Variants in LATS1 observed in about 807,000 individuals in gnomAD.
The protein encoded by LATS1 is serine/threonine-protein kinase LATS1.
LATS1 carries 25 observed loss-of-function variants against 106.6 expected under a neutral mutation model. The observed-to-expected ratio is 0.23, with a 90% CI of 0.17 to 0.33. The LOEUF (loss-of-function observed/expected upper bound fraction) is 0.33, where lower values mean the gene tolerates loss of function less well. Ranked by LOEUF, LATS1 falls within the 10% of genes least tolerant of loss-of-function variation. LATS1 has a pLI of 1.00. For synonymous variants in LATS1, 465 were observed against 455.6 expected (o/e 1.02, Z -0.26); for missense variants, 1,040 against 1,382.6 (o/e 0.75, Z 3.93).
chr6:149,700,324 A>G lies in LATS1; in HGVS notation c.348+1455T>C, dbSNP rs572688200. 1.7e-3 allele frequency among the ~76,000 whole-genome samples: 252 copies of G among 151,964 alleles called. 2 individuals are homozygous for G. Among genetic ancestry groups the G allele is most frequent in the Non-Finnish European group, 2.6e-3 (180 of 67,944 alleles). Reference sequence around the variant, plus strand: ...CCCCATCTCTACTAAAAATACAAAAATAGCCAGGCGTCGTGGTGGGCGCCT... The same window carrying G: ...CCCCATCTCTACTAAAAATACAAAAGTAGCCAGGCGTCGTGGTGGGCGCCT... On this transcript the variant is annotated intron_variant, in intron 2 of 7. Coordinates refer to ENST00000543571, the MANE Select transcript of LATS1 (RefSeq NM_004690.4).
rs761260817 is a variant in LATS1, at chr6:149,683,471, C to A, written c.1618G>T (p.Val540Leu). ...SPFPEGTASNVTVMPPVAEAP... is the reference protein window; with the variant it reads ...SPFPEGTASNLTVMPPVAEAP... ...TCAGCAACAGGTGGCATCACAGTCA[C>A]ATTTGAAGCGGTTCCCTCAGGAAAA... Residue 540 changes from valine (V) to leucine (L), a missense_variant, in exon 4 of 8, where the codon GTG (valine) becomes TTG (leucine). Transcript: ENST00000543571. The A allele has an allele frequency of 5.5e-5, 88 of 1,614,048 alleles. 2 individuals carry two copies. In the Admixed American group the frequency reaches 1.4e-3, roughly 26 times the overall value.
intron 1 of LATS1, among the ~76,000 whole-genome samples, chr6:149,702,824 ACCAC>A: frequency 6.6e-6 from 1 of 152,088 alleles, no homozygotes; most frequent in Non-Finnish European, 1.5e-5. Flanking sequence ...GGCACCCGCC[ACCAC>A]GCCCAGCTAA....
chr6:149,688,942 C>T (rs991080627), intron 3 of LATS1, among the ~76,000 whole-genome samples: 5 of 151,698 alleles, frequency 3.3e-5, no homozygotes, highest in African/African-American at 9.7e-5. Flanking sequence ...CCGAGGTGGG[C>T]GGATCACCTG....
Position 149,683,222 on chromosome 6 carries a change from C to T in LATS1, c.1867G>A (p.Asp623Asn). 1 of 1,614,042 alleles carries T rather than the reference C, an allele frequency of 6.2e-7. No individual in the cohort carries two copies. The stretch of plus-strand genomic sequence containing the variant: ...ATACGAGATTCCCTTCGCTCTTCAT[C>T]TTTCTTGTTTTTCCTAACAGTAATA... ...SPITVRKNKKDEERRESRIQS... is the reference protein window; with the variant it reads ...SPITVRKNKKNEERRESRIQS... The change falls in exon 4 of 8, where the codon GAT (aspartate) becomes AAT (asparagine). Residue 623 changes from aspartate to asparagine, a missense_variant. Around this residue, in one of 7 missense-constraint regions of LATS1, gnomAD observed 167 missense variants for 332.1 expected, o/e 0.50. Transcript: ENST00000543571.
intron 4 of LATS1, 32 bp downstream of exon 4, chr6:149,683,047 A>G (rs1782144534): frequency 1.3e-6 from 2 of 1,532,614 alleles, no homozygotes; most frequent in African/African-American, 1.4e-5. Context: ...CAGATGATTA[A>G]GTATAAAAAT....
chr6:149,695,268 T>TA, intron 2 of LATS1, 47 bp from the exon 3 acceptor site: 1 of 1,263,872 alleles, frequency 7.9e-7, no homozygotes, highest in Non-Finnish European at 1.1e-6. Flanking sequence ...ATTTAAATCT[T>TA]ACAATAATAC....
intron 3 of LATS1, among the ~76,000 whole-genome samples, chr6:149,689,385 T>C (rs888075202): frequency 2.6e-5 from 4 of 151,012 alleles, no homozygotes; most frequent in Non-Finnish European, 5.9e-5. Flanking sequence ...TAAATTATCC[T>C]TTCAGGCTGG....
At chr6:149,712,283 C>T (rs1278183068) in intron 1 of LATS1, among the ~76,000 whole-genome samples, 3 of 152,100 alleles carry the variant, frequency 2.0e-5, no homozygotes, top group East Asian at 1.9e-4. Flanking sequence ...CCGCAACCTC[C>T]ACCTCCCGGG....
intron 4 of LATS1, among the ~76,000 whole-genome samples, chr6:149,681,005 C>A (rs1449913427): frequency 6.6e-6 from 1 of 152,054 alleles, no homozygotes; most frequent in Non-Finnish European, 1.5e-5. Flanking sequence ...ATACAACAGT[C>A]ATTAATAATC....
chr6:149,716,180 G>A (rs1179480582), intron 1 of LATS1: 1 of 152,064 alleles, frequency 6.6e-6, no homozygotes, highest in African/African-American at 2.4e-5. Flanking sequence ...GTTAATTTGG[G>A]TTGAATTAAG....
chr6:149,688,362 G>A (rs369174791), intron 3 of LATS1, among the ~76,000 whole-genome samples: 5 of 152,048 alleles, frequency 3.3e-5, no homozygotes, highest in African/African-American at 9.6e-5. Context: ...AGGCTGGAAT[G>A]CAATGGCGCA....
At chr6:149,705,208 CT>C (rs1406483486) in intron 1 of LATS1, among the ~76,000 whole-genome samples, 3 of 151,990 alleles carry the variant, frequency 2.0e-5, no homozygotes, top group Non-Finnish European at 4.4e-5. Flanking sequence ...ATACCATGTG[CT>C]TTTTATGAAG....
At chr6:149,692,696 G>C (rs1030775077) in intron 3 of LATS1, among the ~76,000 whole-genome samples, 3 of 149,210 alleles carry the variant, frequency 2.0e-5, no homozygotes, top group African/African-American at 7.4e-5. Flanking sequence ...TTTTTTGAGA[G>C]GGAGTTTCGA....
intron 7 of LATS1, among the ~76,000 whole-genome samples, chr6:149,672,119 C>T (rs1781472264): frequency 6.6e-6 from 1 of 151,772 alleles, no homozygotes; most frequent in African/African-American, 2.4e-5. Context: ...TCTCAAACTC[C>T]TGACCTCAAG....
At position 149,660,643 on chromosome 6, in the gene LATS1, T is replaced by G. The variant is rs1052176607; in HGVS notation, c.*1086A>C. 1 of 231,388 alleles carries G rather than the reference T, an allele frequency of 4.3e-6. No individual in the cohort carries two copies. Among genetic ancestry groups the G allele is most frequent in the African/African-American group, 2.2e-5 (1 of 45,252 alleles). 14.3% of individuals were successfully genotyped at this position (231,388 alleles called of 1,614,324 possible). The stretch of plus-strand genomic sequence containing the variant: ...ATAACAGGCATGTTGAACGCATTAT[T>G]GAACCTTAAATAAATTAGGAGGACT... On this transcript the variant is annotated 3_prime_UTR_variant, in exon 8 of 8. Coordinates refer to ENST00000543571, the MANE Select transcript of LATS1 (RefSeq NM_004690.4).
intron 5 of LATS1, among the ~76,000 whole-genome samples, chr6:149,677,754 G>A (rs1296825229): frequency 6.6e-6 from 1 of 152,164 alleles, no homozygotes; most frequent in Non-Finnish European, 1.5e-5. Flanking sequence ...TATCTGGGAT[G>A]TTTGATTAAA....
At position 149,707,485 on chromosome 6, in the gene LATS1, CT is replaced by C. The variant is rs538059337; in HGVS notation, c.-140-5220del. 7.2e-5 allele frequency among the ~76,000 whole-genome samples: 11 copies of C among 152,214 alleles called. No homozygotes were observed. In the South Asian group the frequency reaches 2.3e-3, roughly 32 times the overall value. The stretch of plus-strand genomic sequence containing the variant: ...GTTGCCCAAATTTATCTTATCTTAC[CT>C]TTTCCCCCCATAACATTTCATGAGA... On this transcript the variant is annotated intron_variant, in intron 1 of 7. Transcript: ENST00000543571.
intron 1 of LATS1, among the ~76,000 whole-genome samples, chr6:149,709,838 G>A (rs967252186): frequency 1.3e-5 from 2 of 151,658 alleles, no homozygotes; most frequent in African/African-American, 2.4e-5. Flanking sequence ...ACCATGCCTC[G>A]CTAATTTTTG....
intron 7 of LATS1, among the ~76,000 whole-genome samples, chr6:149,665,552 A>G (rs1290162622): frequency 1.3e-5 from 2 of 152,128 alleles, no homozygotes; most frequent in Non-Finnish European, 2.9e-5. Flanking sequence ...GGGAACAGGA[A>G]AGTACTGGGG....
Sources: gnomAD v4.1 joint callset for allele counts (sites outside exome capture counted in the v4.1 genomes callset) on GRCh38, gnomAD v4.1.1 for gene constraint, gnomAD v4.1.1 regional missense constraint, MANE v1.5 for transcripts, NCBI Gene and HGNC (gene_info 2026-07-23, HGNC 2026-07-21) for gene names.